EPB41L3: variants seen among roughly 807,000 people sequenced by gnomAD.
The protein encoded by EPB41L3 is erythrocyte membrane protein band 4.1 like 3, also known as band 4.1-like protein 3.
EPB41L3 carries 57 observed loss-of-function variants against 127.1 expected under a neutral mutation model. The ratio of observed to expected loss-of-function variants is 0.45; its 90% confidence interval spans 0.36 to 0.56. EPB41L3 has a LOEUF of 0.56. Ranked by LOEUF, EPB41L3 falls within the 20% of genes least tolerant of loss-of-function variation. The pLI is 0.00. For missense variants in EPB41L3, 1,273 were observed against 1,372.2 expected, an observed-to-expected ratio of 0.93 and a Z score of 1.14; for synonymous variants, 572 against 549.5, an observed-to-expected ratio of 1.04 and a Z score of -0.57.
chr18:5,564,132 G>A (rs62077750), intron 3 of EPB41L3, among the ~76,000 whole-genome samples: 39,603 of 151,994 alleles, frequency 0.26, 5,928 homozygotes, highest in African/African-American at 0.41. Flanking sequence ...TCACCAGGGC[G>A]ATTTCAGTTG....
At chr18:5,433,751 T>C in intron 7 of EPB41L3, 152 bp downstream of exon 7, 1 of 926,756 alleles carries the variant, frequency 1.1e-6, no homozygotes, top group Non-Finnish European at 1.7e-6. Flanking sequence ...GAGTGAGAGC[T>C]TGCCCATCTC....
intron 2 of EPB41L3, among the ~76,000 whole-genome samples, chr18:5,482,868 C>G (rs2148057993): frequency 6.6e-6 from 1 of 152,140 alleles, no homozygotes; most frequent in South Asian, 2.1e-4. Flanking sequence ...GAGAGTTCTT[C>G]AATCTGAAAT....
upstream of EPB41L3, among the ~76,000 whole-genome samples, chr18:5,544,831 A>G (rs3638): frequency 0.24 from 36,368 of 152,166 alleles, 5,962 homozygotes; most frequent in African/African-American, 0.47. Context: ...CTTGAAGGAT[A>G]GATTTCCTGT....
chr18:5,595,249 G>C lies in EPB41L3; in HGVS notation c.-306+17091C>G, dbSNP rs553365502. On this transcript the variant is annotated intron_variant, in intron 3 of 21. Transcript: ENST00000545076. ...GAGCTAAAGCAGAGAATTGACAACT[G>C]TCCATGTTAAAATAAGTGCAGAAGG... 3.3e-5 allele frequency among the ~76,000 whole-genome samples: 5 copies of C among 152,274 alleles called. No homozygotes were observed. The East Asian group carries it at 9.7e-4, about 29-fold the overall frequency.
At chr18:5,443,514 C>T (rs1464322329) in intron 5 of EPB41L3, among the ~76,000 whole-genome samples, 1 of 152,248 alleles carries the variant, frequency 6.6e-6, no homozygotes, top group Non-Finnish European at 1.5e-5. Context: ...TGACTTTCAT[C>T]TGGCCTTTCA....
At chr18:5,593,689 T>C (rs2094508254) in intron 3 of EPB41L3, among the ~76,000 whole-genome samples, 1 of 152,146 alleles carries the variant, frequency 6.6e-6, no homozygotes, top group Admixed American at 6.5e-5. Flanking sequence ...CTGGGAGCAC[T>C]ATGGGAGACT....
intron 13 of EPB41L3, among the ~76,000 whole-genome samples, chr18:5,411,834 T>C (rs985808398): frequency 3.3e-5 from 5 of 152,110 alleles, no homozygotes; most frequent in African/African-American, 9.7e-5. Context: ...ACTAGCCACA[T>C]GTTTCATGTT....
intron 14 of EPB41L3, 50 bp from the exon 15 acceptor site, chr18:5,407,786 T>C (rs2075654238): frequency 6.3e-7 from 1 of 1,579,236 alleles, no homozygotes; most frequent in Non-Finnish European, 8.7e-7. Context: ...TGCAATTTAC[T>C]CTAAGATTGA....
intron 3 of EPB41L3, chr18:5,467,265 A>T (rs954984807): frequency 3.9e-5 from 6 of 152,198 alleles, no homozygotes; most frequent in African/African-American, 1.4e-4. Flanking sequence ...TCGAAGCTTT[A>T]TTCTTTACAT....
chr18:5,547,792 G>A (rs1380115028), upstream of EPB41L3, among the ~76,000 whole-genome samples: 3 of 152,120 alleles, frequency 2.0e-5, no homozygotes. Context: ...CTGGTATTCT[G>A]CTACCTGAAC....
intron 3 of EPB41L3, among the ~76,000 whole-genome samples, chr18:5,456,062 C>T (rs1380177564): frequency 6.6e-6 from 1 of 152,064 alleles, no homozygotes; most frequent in Non-Finnish European, 1.5e-5. Context: ...ACAAACAAAA[C>T]TTGAATTGTG....
At chr18:5,408,615 G>C (rs1445635496) in intron 14 of EPB41L3, among the ~76,000 whole-genome samples, 1 of 151,730 alleles carries the variant, frequency 6.6e-6, no homozygotes, top group Non-Finnish European at 1.5e-5. Flanking sequence ...AATTTGGGAG[G>C]GGAGAAGACA....
intron 1 of EPB41L3, among the ~76,000 whole-genome samples, chr18:5,494,782 G>A: frequency 6.6e-6 from 1 of 152,124 alleles, no homozygotes; most frequent in Non-Finnish European, 1.5e-5. Context: ...CTTGCGTGAG[G>A]TTACATGGTC....
At chr18:5,487,370 A>T (rs1055273255) in intron 2 of EPB41L3, among the ~76,000 whole-genome samples, 5 of 150,840 alleles carry the variant, frequency 3.3e-5, no homozygotes, top group East Asian at 3.9e-4. Context: ...GGGAATTTTT[A>T]AAAAATATAC....
At chr18:5,445,681 T>C (rs1371163034) in intron 3 of EPB41L3, among the ~76,000 whole-genome samples, 2 of 152,192 alleles carry the variant, frequency 1.3e-5, no homozygotes, top group African/African-American at 4.8e-5. Context: ...CCTCAGCCCC[T>C]GGGCCATGGA....
rs544792967 is a variant in EPB41L3, at chr18:5,553,854, A to G, written c.-306+58486T>C. Among the ~76,000 whole-genome samples, 14 of 151,924 alleles carry G rather than the reference A, an allele frequency of 9.2e-5. No individual in the cohort carries two copies. In the South Asian group the frequency reaches 1.3e-3, roughly 14 times the overall value. ...GGTAAAACATAAGCCAGATCACGTC[A>G]CTCTTGTTCAAAGCCTCTGGGGGCC... On this transcript the variant is annotated intron_variant, in intron 3 of 21. Transcript: ENST00000545076.
chr18:5,611,443 T>C (rs2094724088), intron 3 of EPB41L3, among the ~76,000 whole-genome samples: 2 of 152,068 alleles, frequency 1.3e-5, no homozygotes, highest in Non-Finnish European at 2.9e-5. Flanking sequence ...GAAAGTGGAA[T>C]GGTGGTTGCC....
chr18:5,433,788 C>CTATGCTCA, intron 7 of EPB41L3, 115 bp downstream of exon 7: 1 of 1,187,506 alleles, frequency 8.4e-7, no homozygotes. Context: ...TGGACCCACA[C>CTATGCTCA]TATGCTCACG....
intron 1 of EPB41L3, among the ~76,000 whole-genome samples, chr18:5,514,428 G>A (rs2148715765): frequency 6.6e-6 from 1 of 152,270 alleles, no homozygotes; most frequent in South Asian, 2.1e-4. Flanking sequence ...CAGGTTATAT[G>A]ACTGGATTGC....
Sources: allele counts gnomAD v4.1 joint callset (sites outside exome capture counted in the v4.1 genomes callset), GRCh38; gene constraint gnomAD v4.1.1; transcripts MANE v1.5; gene names NCBI Gene and HGNC (gene_info 2026-07-23, HGNC 2026-07-21).